The following TK2 variants were observed in gnomAD, a reference collection of about 807,000 sequenced individuals.
TK2 encodes thymidine kinase 2.
TK2 carries 35 observed loss-of-function variants against 41.9 expected under a neutral mutation model. The ratio of observed to expected loss-of-function variants is 0.84; its 90% CI spans 0.64 to 1.11. TK2 has a LOEUF of 1.11. Among genes scored for constraint, TK2 ranks in the 50% least tolerant of loss-of-function variants. TK2 has a pLI of 0.00. For missense variants in TK2, 320 were observed against 351.1 expected (o/e 0.91, Z 0.71); for synonymous variants, 128 against 129.1 (o/e 0.99, Z 0.06).
rs140649414 is a variant in TK2, at chr16:66,536,071, G to A, written c.285+893C>T. ...ACACAAAAATTAGCTGGGCATGGTC[G>A]TGCGCACCTGTAGTCCCAGCTAGTC... On this transcript the variant is annotated intron_variant, in intron 4 of 9. Coordinates refer to ENST00000544898, the MANE Select transcript of TK2 (RefSeq NM_004614.5). Among the ~76,000 whole-genome samples the A allele has an allele frequency of 2.6e-3, 391 of 152,094 alleles. 3 individuals carry two copies. The highest frequency in any genetic ancestry group is 4.6e-3 in the Non-Finnish European group (310 of 68,000).
intron 4 of TK2, among the ~76,000 whole-genome samples, chr16:66,536,031 C>T (rs1257114852): frequency 2.0e-5 from 3 of 152,068 alleles, no homozygotes; most frequent in African/African-American, 7.2e-5. Flanking sequence ...TGGTAAAACC[C>T]TGTCTCTACT....
intron 9 of TK2, among the ~76,000 whole-genome samples, chr16:66,513,445 C>G (rs1964510115): frequency 6.6e-6 from 1 of 152,132 alleles, no homozygotes; most frequent in Non-Finnish European, 1.5e-5. Context: ...ATGGTGAAAA[C>G]TGAGACCCGG....
chr16:66,533,771 G>GTTA (rs1965191987), intron 4 of TK2, among the ~76,000 whole-genome samples: 3 of 152,040 alleles, frequency 2.0e-5, no homozygotes, highest in African/African-American at 7.2e-5. Context: ...ACTCTGGGAG[G>GTTA]CCGAGGTGCG....
rs1964440177 is a variant in TK2 at position 66,511,218 on chromosome 16, T to G, written c.*750A>C. The G allele has an allele frequency of 6.5e-6, 1 of 153,546 alleles. No individual in the cohort carries two copies. Among genetic ancestry groups the G allele is most frequent in the African/African-American group, 2.4e-5 (1 of 41,446 alleles). 9.5% of individuals were successfully genotyped at this position (153,546 alleles called of 1,614,324 possible). ...AGGAGCCAGCATGTGAATCTCAATG[T>G]CCACATGAAGATGTGGTAGATGGGG... On this transcript the variant is annotated 3_prime_UTR_variant, in exon 10 of 10. Transcript: ENST00000544898.
chr16:66,521,346 G>A (rs1964774338), intron 6 of TK2, among the ~76,000 whole-genome samples: 1 of 152,200 alleles, frequency 6.6e-6, no homozygotes, highest in African/African-American at 2.4e-5. Flanking sequence ...GCTCCAGGTA[G>A]TCACAGGGGC....
chr16:66,522,262 A>G (rs1295393151), intron 6 of TK2, among the ~76,000 whole-genome samples: 1 of 152,158 alleles, frequency 6.6e-6, no homozygotes, highest in Non-Finnish European at 1.5e-5. Context: ...TTCAGTCTAG[A>G]CAGGAGCTGG....
At chr16:66,539,652 A>C (rs1184083180) in intron 3 of TK2, among the ~76,000 whole-genome samples, 1 of 151,926 alleles carries the variant, frequency 6.6e-6, no homozygotes, top group Admixed American at 6.6e-5. Flanking sequence ...GGATCAGCAA[A>C]GGGAAAAAGG....
intron 5 of TK2, among the ~76,000 whole-genome samples, chr16:66,529,608 C>T (rs1384598666): frequency 6.6e-6 from 1 of 152,218 alleles, no homozygotes; most frequent in Admixed American, 6.5e-5. Context: ...GTGCCCCTTT[C>T]TGCCAGGATG....
intron 4 of TK2, among the ~76,000 whole-genome samples, chr16:66,533,238 T>C (rs1965172810): frequency 6.6e-6 from 1 of 150,382 alleles, no homozygotes; most frequent in Non-Finnish European, 1.5e-5. Context: ...CCCAGCTAAA[T>C]TTTTTTGTAT....
chr16:66,530,627 G>T (rs944958614), intron 5 of TK2, among the ~76,000 whole-genome samples: 1 of 152,110 alleles, frequency 6.6e-6, no homozygotes, highest in African/African-American at 2.4e-5. Flanking sequence ...CGAGTCACCT[G>T]GAGGGCTTGA....
At chr16:66,549,718 C>G in intron 1 of TK2, 1 of 1,269,144 alleles carries the variant, frequency 7.9e-7, no homozygotes, top group South Asian at 3.1e-5. Context: ...TTTAAAGGCC[C>G]TCTCTCCATC....
chr16:66,532,009 C>G (rs766123955), intron 4 of TK2, among the ~76,000 whole-genome samples: 29 of 151,500 alleles, frequency 1.9e-4, no homozygotes, highest in Middle Eastern at 3.2e-3. Context: ...CTATTGGGTA[C>G]TATGCTCAGT....
At chr16:66,530,328 T>A (rs1337804880) in intron 5 of TK2, among the ~76,000 whole-genome samples, 1 of 152,220 alleles carries the variant, frequency 6.6e-6, no homozygotes, top group Non-Finnish European at 1.5e-5. Flanking sequence ...AAAGCTGGCA[T>A]CATAGGTTGT....
intron 8 of TK2, among the ~76,000 whole-genome samples, chr16:66,515,471 A>G (rs548354484): frequency 4.3e-4 from 66 of 152,396 alleles, no homozygotes; most frequent in African/African-American, 1.5e-3. Context: ...CATGCCAGGC[A>G]GAGCAGATAC....
chr16:66,526,592 A>C (rs1964939232), intron 6 of TK2, among the ~76,000 whole-genome samples: 1 of 152,168 alleles, frequency 6.6e-6, no homozygotes, highest in South Asian at 2.1e-4. Flanking sequence ...TCTACAAAAA[A>C]TAAGAAATAA....
At chr16:66,539,592 C>G (rs189930539) in intron 3 of TK2, among the ~76,000 whole-genome samples, 37 of 124,788 alleles carry the variant, frequency 3.0e-4, no homozygotes, top group Admixed American at 1.4e-3. Context: ...CAGAGCAAGA[C>G]TCCATCTCAG....
At chr16:66,524,725 G>T (rs1445209112) in intron 6 of TK2, 1 of 152,288 alleles carries the variant, frequency 6.6e-6, no homozygotes, top group African/African-American at 2.4e-5. Context: ...TGCTAGAAAT[G>T]TGGCCTCTCA....
At chr16:66,515,719 C>A (rs544783515) in intron 8 of TK2, among the ~76,000 whole-genome samples, 1 of 152,206 alleles carries the variant, frequency 6.6e-6, no homozygotes, top group Non-Finnish European at 1.5e-5. Context: ...AGCTGCTGTG[C>A]GCATCACAGC....
At chr16:66,548,914 T>G (rs1249397846) in intron 2 of TK2, 64 bp downstream of exon 2, 3 of 1,513,744 alleles carry the variant, frequency 2.0e-6, no homozygotes, top group Non-Finnish European at 2.7e-6. Flanking sequence ...TTACTCTGCT[T>G]TTTTCTCTCT....
Sources: gnomAD v4.1 joint callset for allele counts (sites outside exome capture counted in the v4.1 genomes callset) on GRCh38, gnomAD v4.1.1 for gene constraint, MANE v1.5 for transcripts, NCBI Gene and HGNC (gene_info 2026-07-23, HGNC 2026-07-21) for gene names.